The following MTCL3 variants were observed in gnomAD, a reference collection of about 807,000 sequenced individuals.
The protein encoded by MTCL3 is MTCL family member 3.
At chr6:127,486,632 C>T in the MTCL3 span, among the ~76,000 whole-genome samples, 4 of 152,270 alleles carry the variant, frequency 2.6e-5, no homozygotes, top group African/African-American at 9.6e-5. Flanking sequence ...TAGATAAATA[C>T]GTTGAAAACA....
the MTCL3 span, among the ~76,000 whole-genome samples, chr6:127,474,726 G>T: frequency 2.0e-5 from 3 of 152,060 alleles, no homozygotes; most frequent in Non-Finnish European, 4.4e-5. Flanking sequence ...TTACAGGTGC[G>T]TGCCACCACA....
chr6:127,473,120 C>A, the MTCL3 span: 1 of 1,182,852 alleles, frequency 8.5e-7, no homozygotes, highest in African/African-American at 1.6e-5. Flanking sequence ...TGAATTTGGT[C>A]TTGGTAAGAT....
chr6:127,510,053 A>G, the MTCL3 span, among the ~76,000 whole-genome samples: 1 of 150,956 alleles, frequency 6.6e-6, no homozygotes, highest in Non-Finnish European at 1.5e-5. Flanking sequence ...TTTATCTTCC[A>G]CTCTTTCTCC....
At chr6:127,475,497 C>G in the MTCL3 span, 3 of 1,613,520 alleles carry the variant, frequency 1.9e-6, no homozygotes, top group South Asian at 3.3e-5. The surrounding 1 kb of genome is among the most constrained non-coding windows in gnomAD (Gnocchi z 7.3). Context: ...CGTAGATGCG[C>G]GCCTCGGTGA....
the MTCL3 span, among the ~76,000 whole-genome samples, chr6:127,484,763 A>G: frequency 1.3e-5 from 2 of 152,204 alleles, no homozygotes; most frequent in African/African-American, 4.8e-5. Flanking sequence ...TACAAGAACA[A>G]TATTAACTGT....
chr6:127,508,829 GA>G, the MTCL3 span, among the ~76,000 whole-genome samples: 1 of 152,222 alleles, frequency 6.6e-6, no homozygotes, highest in South Asian at 2.1e-4. Context: ...TCAAAGCTTT[GA>G]AAATAAAGTT....
chr6:127,510,347 T>TC, the MTCL3 span, among the ~76,000 whole-genome samples: 1 of 152,230 alleles, frequency 6.6e-6, no homozygotes, highest in East Asian at 1.9e-4. Flanking sequence ...AAGGAGGAAA[T>TC]AGTCACAGGG....
the MTCL3 span, chr6:127,514,834 G>C: frequency 1.2e-6 from 2 of 1,611,984 alleles, no homozygotes; most frequent in Non-Finnish European, 1.7e-6. Context: ...TTGAGGTCCT[G>C]CTCCAGGCTG....
the MTCL3 span, among the ~76,000 whole-genome samples, chr6:127,510,566 A>G: frequency 2.6e-5 from 4 of 152,170 alleles, no homozygotes; most frequent in Admixed American, 2.0e-4. Context: ...CTCTTATGCC[A>G]TTCTTAAGTA....
chr6:127,504,295 T>G, the MTCL3 span, among the ~76,000 whole-genome samples: 2 of 152,200 alleles, frequency 1.3e-5, no homozygotes, highest in African/African-American at 4.8e-5. Flanking sequence ...TGTGAAGCTA[T>G]AGTCAAAATA....
At chr6:127,479,324 T>G in the MTCL3 span, among the ~76,000 whole-genome samples, 3 of 152,186 alleles carry the variant, frequency 2.0e-5, no homozygotes, top group Non-Finnish European at 4.4e-5. Flanking sequence ...TTTAGCTGGC[T>G]TTTTTACTGG....
chr6:127,515,111 T>C, the MTCL3 span: 1 of 1,378,824 alleles, frequency 7.3e-7, no homozygotes, highest in Non-Finnish European at 1.0e-6. The surrounding 1 kb of genome is among the most constrained non-coding windows in gnomAD (Gnocchi z 4.3). Flanking sequence ...ACACACACCG[T>C]ACACACCCCA....
the MTCL3 span, chr6:127,473,496 A>T: frequency 1.3e-6 from 1 of 788,558 alleles, no homozygotes; most frequent in Non-Finnish European, 1.9e-6. Flanking sequence ...TTAAAAAAGA[A>T]CCTCCACCCT....
At chr6:127,484,996 C>T in the MTCL3 span, among the ~76,000 whole-genome samples, 2 of 152,158 alleles carry the variant, frequency 1.3e-5, no homozygotes, top group African/African-American at 4.8e-5. Context: ...TGAGATTCAT[C>T]CCAGAACCAC....
At chr6:127,494,117 C>T in the MTCL3 span, among the ~76,000 whole-genome samples, 1 of 152,096 alleles carries the variant, frequency 6.6e-6, no homozygotes, top group Non-Finnish European at 1.5e-5. Context: ...TTCTTTGGTG[C>T]CAGGAATTAC....
At chr6:127,516,434 C>A in the MTCL3 span, 2 of 1,600,136 alleles carry the variant, frequency 1.2e-6, no homozygotes, top group African/African-American at 2.7e-5. Flanking sequence ...CCGGCCCCCA[C>A]TGGGGACCGG....
chr6:127,481,661 A>G, the MTCL3 span, among the ~76,000 whole-genome samples: 1 of 152,230 alleles, frequency 6.6e-6, no homozygotes, highest in East Asian at 1.9e-4. Context: ...AAAGTATACT[A>G]CAGTACCATA....
the MTCL3 span, among the ~76,000 whole-genome samples, chr6:127,496,030 G>A: frequency 7.0e-3 from 1,071 of 152,150 alleles, 15 homozygotes; most frequent in African/African-American, 0.024. Context: ...AGGAGTTTGA[G>A]ACCAGCCTGG....
chr6:127,480,825 T>C, the MTCL3 span, among the ~76,000 whole-genome samples: 24 of 152,178 alleles, frequency 1.6e-4, no homozygotes, highest in African/African-American at 5.8e-4. Flanking sequence ...TTTGTAAAAA[T>C]TGACCATTTT....
Sources: gnomAD v4.1 joint callset for allele counts (sites outside exome capture counted in the v4.1 genomes callset) on GRCh38, gnomAD v4.1.1 for gene constraint, Gnocchi (gnomAD v3.1) non-coding constraint, MANE v1.5 for transcripts, NCBI Gene and HGNC (gene_info 2026-07-23, HGNC 2026-07-21) for gene names.